The following PTGES variants were observed in gnomAD, a reference collection of about 807,000 sequenced individuals.
The protein encoded by PTGES is MGST1-like 1.
In PTGES, 3 loss-of-function variants were observed where a neutral mutation model predicts 11.8. The ratio of observed to expected loss-of-function variants is 0.25; its 90% CI spans 0.12 to 0.66. The LOEUF (loss-of-function observed/expected upper bound fraction) is 0.66. PTGES is among the 30% of genes least tolerant of loss of function. The pLI, the probability that PTGES is intolerant of heterozygous loss-of-function variation, is 0.82. For synonymous variants in PTGES, 94 were observed against 90.4 expected, an observed-to-expected ratio of 1.04 and a Z score of -0.22; for missense variants, 180 against 213.0, an observed-to-expected ratio of 0.85 and a Z score of 0.96.
intron 1 of PTGES, among the ~76,000 whole-genome samples, chr9:129,749,344 C>T (rs938999710): frequency 6.6e-6 from 1 of 152,098 alleles, no homozygotes; most frequent in African/African-American, 2.4e-5. Flanking sequence ...TAGCAAGACC[C>T]CATCTCTAAA....
chr9:129,748,009 C>CA (rs71497492), intron 2 of PTGES, among the ~76,000 whole-genome samples: 1,205 of 23,382 alleles, frequency 0.052, 190 homozygotes, highest in Non-Finnish European at 0.06. Context: ...GACTCTGTCT[C>CA]AAAAAAAAAA....
chr9:129,739,806 G>A lies in PTGES; in HGVS notation c.264C>T (p.Val88=), dbSNP rs545684726. 9 of 1,572,130 alleles carry A rather than the reference G, an allele frequency of 5.7e-6. No homozygotes were observed. Among genetic ancestry groups the A allele is most frequent in the Admixed American group, 1.9e-5 (1 of 53,394 alleles). Residue 88 remains valine (V), a synonymous_variant, in exon 3 of 3, where the codon GTC becomes GTT. Coordinates refer to ENST00000340607, the MANE Select transcript of PTGES (RefSeq NM_004878.5). This position sits in a 1 kb window ranked among gnomAD's most constrained non-coding sequence, Gnocchi z 5.7. ...TIYPFLFLGF[V]YSFLGPNPFV... is the part of the protein sequence containing the mutation. ...AAGGGTTAGGACCCAGAAAGGAGTA[G>A]ACGAAGCCCAGGAAAAGGAAGGGGT...
chr9:129,748,188 G>A (rs970408876), intron 2 of PTGES, among the ~76,000 whole-genome samples: 2 of 134,376 alleles, frequency 1.5e-5, no homozygotes, highest in Non-Finnish European at 3.1e-5. Context: ...TCTGTGAGCC[G>A]ATATGGAACA....
chr9:129,739,898 G>A lies in PTGES; in HGVS notation c.210-38C>T. On this transcript the variant is annotated intron_variant, in intron 2 of 2. Coordinates refer to ENST00000340607, the MANE Select transcript of PTGES (RefSeq NM_004878.5). This position sits in a 1 kb window ranked among gnomAD's most constrained non-coding sequence, Gnocchi z 5.7. ...GAGGGGTGCGGTCAGCCAGGTATTA[G>A]CTTTGGGGCCATAGGCCCTTTTGAG... is the stretch of plus-strand genomic sequence containing the variant. 1 of 1,546,408 alleles carries A rather than the reference G, an allele frequency of 6.5e-7. No homozygotes were observed. Among genetic ancestry groups the A allele is most frequent in the Non-Finnish European group, 8.7e-7 (1 of 1,143,436 alleles).
At chr9:129,743,054 G>A (rs1031056297) in intron 2 of PTGES, among the ~76,000 whole-genome samples, 5 of 152,240 alleles carry the variant, frequency 3.3e-5, no homozygotes, top group African/African-American at 1.2e-4. Context: ...TGCCTGGCAT[G>A]TCTGCAGGCT....
intron 2 of PTGES, among the ~76,000 whole-genome samples, chr9:129,740,522 G>A (rs11788591): frequency 0.043 from 6,568 of 152,228 alleles, 275 homozygotes; most frequent in African/African-American, 0.11. Flanking sequence ...GGAGCCAACC[G>A]ATGGCCAGCC....
chr9:129,749,875 T>C (rs1833086948), intron 1 of PTGES, among the ~76,000 whole-genome samples: 1 of 152,186 alleles, frequency 6.6e-6, no homozygotes, highest in African/African-American at 2.4e-5. Flanking sequence ...TCAGGGGTCC[T>C]GGCAGCACCT....
chr9:129,752,475 T>C (rs1336841243), intron 1 of PTGES, among the ~76,000 whole-genome samples: 1 of 152,186 alleles, frequency 6.6e-6, no homozygotes, highest in Non-Finnish European at 1.5e-5. Flanking sequence ...AGTTGGGAAT[T>C]TCCACTTAAA....
chr9:129,749,751 A>T (rs1008272453), intron 1 of PTGES: 3 of 152,432 alleles, frequency 2.0e-5, no homozygotes, highest in African/African-American at 7.2e-5. Context: ...AAGGGACAGC[A>T]CGTGCAAAGG....
intron 2 of PTGES, among the ~76,000 whole-genome samples, chr9:129,746,261 C>T (rs1020133593): frequency 3.3e-5 from 5 of 152,220 alleles, no homozygotes; most frequent in Middle Eastern, 3.4e-3. Flanking sequence ...GAGCTGGCCC[C>T]GGGCAACCCA....
rs936615840 is a variant in PTGES at position 129,745,267 on chromosome 9, C to A, written c.209+3388G>T. 6.6e-6 allele frequency among the ~76,000 whole-genome samples: 1 copy of A among 152,180 alleles called. No homozygotes were observed. The highest frequency in any genetic ancestry group is 2.4e-5 in the African/African-American group (1 of 41,436). On this transcript the variant is annotated intron_variant, in intron 2 of 2. Coordinates refer to ENST00000340607, the MANE Select transcript of PTGES (RefSeq NM_004878.5). This position sits in a 1 kb window ranked among gnomAD's most constrained non-coding sequence, Gnocchi z 4.2. ...ATTGCCGGGAACTCCGGATAGGTAT[C>A]CTGAAAAGGTGGCTAGTCCCTGGCT... is the stretch of plus-strand genomic sequence containing the variant.
chr9:129,750,250 A>G lies in PTGES; in HGVS notation c.127-1513T>C, dbSNP rs1431507652. Among the ~76,000 whole-genome samples the G allele has an allele frequency of 2.6e-5, 4 of 152,314 alleles. No individual in the cohort carries two copies. In the South Asian group the frequency reaches 6.2e-4, roughly 24 times the overall value. On this transcript the variant is annotated intron_variant, in intron 1 of 2. Transcript: ENST00000340607. ...CAGGAGCAGGTTTTCTAAATTGTTC[A>G]GCTGACGGCAAATCCTGTGCTTCTG...
At position 129,739,444 on chromosome 9, in the gene PTGES, G is replaced by A. The variant is rs202134041; in HGVS notation, c.*167C>T. 9.2e-6 allele frequency: 8 copies of A among 865,800 alleles called. No homozygotes were observed. Among genetic ancestry groups the A allele is most frequent in the East Asian group, 5.4e-5 (2 of 36,882 alleles). The allele number at this position is 865,800 out of a possible 1,614,324, so 53.6% of individuals were successfully genotyped here. A position where few individuals can be genotyped will look rare whatever the true frequency, so the allele number is the denominator to read the frequency against. ...CATACACACACACATACACACACAC[G>A]GGCACACACACAGGCCCACTGTGCC... is the stretch of plus-strand genomic sequence containing the variant. On this transcript the variant is annotated 3_prime_UTR_variant, in exon 3 of 3. Coordinates refer to ENST00000340607, the MANE Select transcript of PTGES (RefSeq NM_004878.5). The surrounding 1 kb of genome is among the most constrained non-coding windows in gnomAD (Gnocchi z 5.7).
Position 129,739,824 on chromosome 9 carries a change from G to A in PTGES, c.246C>T (p.Phe82=). The change falls in exon 3 of 3, where the codon TTC becomes TTT. Residue 82 remains phenylalanine (F), a synonymous_variant. Coordinates refer to ENST00000340607, the MANE Select transcript of PTGES (RefSeq NM_004878.5). The surrounding 1 kb of genome is among the most constrained non-coding windows in gnomAD (Gnocchi z 5.7). ...HRNDMETIYP[F]LFLGFVYSFL... ...AGGAGTAGACGAAGCCCAGGAAAAG[G>A]AAGGGGTAGATGGTCTCCATGTCGT... 1 of 1,570,406 alleles carries A rather than the reference G, an allele frequency of 6.4e-7. No homozygotes were observed. The highest frequency in any genetic ancestry group is 8.6e-7 in the Non-Finnish European group (1 of 1,157,362).
intron 2 of PTGES, among the ~76,000 whole-genome samples, chr9:129,744,651 C>T (rs956209880): frequency 1.3e-5 from 2 of 150,396 alleles, no homozygotes; most frequent in Non-Finnish European, 2.9e-5. Context: ...CCGAGGCAGG[C>T]GGATCACTTG....
intron 2 of PTGES, among the ~76,000 whole-genome samples, chr9:129,740,146 T>A (rs1009058282): frequency 5.9e-5 from 9 of 152,016 alleles, no homozygotes; most frequent in African/African-American, 2.2e-4. Context: ...CCTCTATGGC[T>A]TGCCGGGACC....
At chr9:129,740,010 G>A (rs1832979974) in intron 2 of PTGES, 150 bp from the exon 3 acceptor site, 1 of 1,017,454 alleles carries the variant, frequency 9.8e-7, no homozygotes, top group Admixed American at 2.8e-5. Context: ...GCCAGGTCAA[G>A]GAGATGGATA....
chr9:129,739,407 G>T lies in PTGES; in HGVS notation c.*204C>A, dbSNP rs201867351. 46 of 662,770 alleles carry T rather than the reference G, an allele frequency of 6.9e-5. 2 individuals are homozygous for T. In the South Asian group the frequency reaches 9.5e-4, roughly 14 times the overall value. 41.1% of individuals were successfully genotyped at this position (662,770 alleles called of 1,614,324 possible). Reference sequence around the variant, plus strand: ...TCAGCCACTTCGTGCAGGAATCCAAGGGGCTAAGAAACATACACACACACA... The same window carrying T: ...TCAGCCACTTCGTGCAGGAATCCAATGGGCTAAGAAACATACACACACACA... On this transcript the variant is annotated 3_prime_UTR_variant, in exon 3 of 3. Transcript: ENST00000340607. This position sits in a 1 kb window ranked among gnomAD's most constrained non-coding sequence, Gnocchi z 5.7.
intron 2 of PTGES, among the ~76,000 whole-genome samples, chr9:129,742,104 G>A (rs1472716911): frequency 2.0e-5 from 3 of 151,602 alleles, no homozygotes; most frequent in African/African-American, 7.3e-5. Flanking sequence ...GATCACTTGA[G>A]GACAGGAGTT....
Sources: gnomAD v4.1 joint callset for allele counts (sites outside exome capture counted in the v4.1 genomes callset) on GRCh38, gnomAD v4.1.1 for gene constraint, Gnocchi (gnomAD v3.1) non-coding constraint, MANE v1.5 for transcripts, NCBI Gene and HGNC (gene_info 2026-07-23, HGNC 2026-07-21) for gene names.